Variants in GBE1 observed in about 807,000 individuals in gnomAD.
GBE1 encodes the protein 1,4-alpha-glucan-branching enzyme.
In GBE1, 70 loss-of-function variants were observed where a neutral mutation model predicts 88.8. The observed-to-expected ratio is 0.79, with a 90% CI of 0.65 to 0.96. GBE1 has a LOEUF of 0.96. Among genes scored for constraint, GBE1 ranks in the 40% least tolerant of loss-of-function variants. The probability of loss-of-function intolerance (pLI) is 0.00; values close to 1 mark genes in which losing one functional copy is unlikely to be tolerated. For missense variants in GBE1, 872 were observed against 871.0 expected (o/e 1.00, Z -0.01); for synonymous variants, 284 against 300.1 (o/e 0.95, Z 0.56).
intron 2 of GBE1, among the ~76,000 whole-genome samples, chr3:81,685,343 T>A (rs1269237841): frequency 6.6e-6 from 1 of 150,842 alleles, no homozygotes; most frequent in Non-Finnish European, 1.5e-5. Context: ...GTTGTTTTGT[T>A]TTTGTTTGTT....
At position 81,536,789 on chromosome 3, in the gene GBE1, A is replaced by G. The variant is rs1576138213; in HGVS notation, c.1803+122T>C. ...TTGACAACCTGAAGTATGGTACAGG[A>G]CACTAGACACTGAATAATAAATTGC... On this transcript the variant is annotated intron_variant, in intron 13 of 15. Coordinates refer to ENST00000429644, the MANE Select transcript of GBE1 (RefSeq NM_000158.4). The G allele has an allele frequency of 5.8e-6, 4 of 690,356 alleles. No individual in the cohort carries two copies. In the East Asian group the frequency reaches 1.2e-4, roughly 21 times the overall value. The allele number at this position is 690,356 out of a possible 1,614,324, so 42.8% of individuals were successfully genotyped here. A position where few individuals can be genotyped will look rare whatever the true frequency, so the allele number is the denominator to read the frequency against.
chr3:81,705,393 TA>T (rs1183058996), intron 2 of GBE1, 50 bp downstream of exon 2: 1 of 1,258,424 alleles, frequency 7.9e-7, no homozygotes, highest in African/African-American at 1.6e-5. Flanking sequence ...ATATATGTAT[TA>T]AATAGTTAAT....
intron 12 of GBE1, among the ~76,000 whole-genome samples, chr3:81,573,083 G>C (rs1703596468): frequency 6.6e-6 from 1 of 151,008 alleles, no homozygotes; most frequent in South Asian, 2.1e-4. Flanking sequence ...CTTAGCCAAT[G>C]ATTATTTAAA....
intron 1 of GBE1, among the ~76,000 whole-genome samples, chr3:81,730,589 G>A (rs1177109235): frequency 1.3e-5 from 2 of 152,114 alleles, no homozygotes; most frequent in Non-Finnish European, 2.9e-5. Flanking sequence ...CTGAAGCGTG[G>A]AAAGAAAAAA....
chr3:81,597,080 A>G (rs1703966145), intron 7 of GBE1, among the ~76,000 whole-genome samples: 1 of 151,928 alleles, frequency 6.6e-6, no homozygotes, highest in Non-Finnish European at 1.5e-5. Flanking sequence ...TCTAGTAGTA[A>G]ATGAACTGAA....
At chr3:81,523,358 G>A (rs952985077) in intron 14 of GBE1, among the ~76,000 whole-genome samples, 1 of 151,164 alleles carries the variant, frequency 6.6e-6, no homozygotes, top group Non-Finnish European at 1.5e-5. Flanking sequence ...ATTTAAAATT[G>A]TTATGGGTAT....
chr3:81,509,006 G>C (rs1178161044), intron 14 of GBE1, among the ~76,000 whole-genome samples: 1 of 152,070 alleles, frequency 6.6e-6, no homozygotes, highest in Non-Finnish European at 1.5e-5. Flanking sequence ...ACTGGGAAAA[G>C]TACTCAAATT....
chr3:81,643,859 A>G (rs773900843), intron 6 of GBE1, among the ~76,000 whole-genome samples: 1 of 152,130 alleles, frequency 6.6e-6, no homozygotes, highest in Non-Finnish European at 1.5e-5. Flanking sequence ...CCTACTTAAA[A>G]TCATACTTGT....
At chr3:81,599,145 T>C (rs1435034970) in intron 7 of GBE1, among the ~76,000 whole-genome samples, 1 of 152,192 alleles carries the variant, frequency 6.6e-6, no homozygotes. Flanking sequence ...GGCTAAATGA[T>C]TCCAATTAGA....
chr3:81,730,751 T>G (rs1278879678), intron 1 of GBE1, among the ~76,000 whole-genome samples: 1 of 152,178 alleles, frequency 6.6e-6, no homozygotes, highest in Non-Finnish European at 1.5e-5. Flanking sequence ...AATGAAACTC[T>G]TAAAGGTTAA....
intron 7 of GBE1, chr3:81,613,041 G>T: frequency 1.5e-6 from 1 of 650,528 alleles, no homozygotes; most frequent in Non-Finnish European, 2.3e-6. Flanking sequence ...AGATGATGAA[G>T]GGGAGGAAAG....
intron 1 of GBE1, among the ~76,000 whole-genome samples, chr3:81,758,078 T>C (rs1706627940): frequency 6.6e-6 from 1 of 152,180 alleles, no homozygotes; most frequent in Non-Finnish European, 1.5e-5. Flanking sequence ...TGAAGTTGTC[T>C]GTGAACTGGT....
rs1187869776 is a variant in GBE1, at chr3:81,750,675, G to GTATATA, written c.143+10694_143+10699dup. ...TATATATATGTATATATATATATAC[G>GTATATA]TATATATATATATATATATGTATTT... On this transcript the variant is annotated intron_variant, in intron 1 of 15. Coordinates refer to ENST00000429644, the MANE Select transcript of GBE1 (RefSeq NM_000158.4). Among the ~76,000 whole-genome samples the GTATATA allele has an allele frequency of 2.0e-4, 11 of 55,024 alleles. 1 individual carries two copies. Among genetic ancestry groups the GTATATA allele is most frequent in the African/African-American group, 8.8e-4 (7 of 7,990 alleles). The allele number at this position is 55,024 out of a possible 152,430, so 36.1% of individuals were successfully genotyped here.
chr3:81,619,688 T>C (rs1318930775), intron 7 of GBE1, among the ~76,000 whole-genome samples: 1 of 152,118 alleles, frequency 6.6e-6, no homozygotes, highest in African/African-American at 2.4e-5. Flanking sequence ...TACATAATTG[T>C]TTTAAAATTA....
At chr3:81,556,773 T>C (rs2106903532) in intron 12 of GBE1, among the ~76,000 whole-genome samples, 1 of 152,144 alleles carries the variant, frequency 6.6e-6, no homozygotes, top group East Asian at 1.9e-4. Flanking sequence ...ATTAGTCCAG[T>C]CTCCAGTTAA....
intron 7 of GBE1, among the ~76,000 whole-genome samples, chr3:81,633,119 T>C (rs928525778): frequency 1.3e-5 from 2 of 152,184 alleles, no homozygotes; most frequent in African/African-American, 4.8e-5. Context: ...GCACATGGTT[T>C]GGCTCATGAA....
intron 3 of GBE1, among the ~76,000 whole-genome samples, chr3:81,652,817 G>A (rs1362521644): frequency 7.2e-5 from 11 of 152,132 alleles, no homozygotes; most frequent in Admixed American, 7.2e-4. Context: ...AATGCAAAGA[G>A]TAAAGACTAT....
intron 2 of GBE1, among the ~76,000 whole-genome samples, chr3:81,697,414 C>T (rs910199823): frequency 1.3e-5 from 2 of 151,828 alleles, no homozygotes; most frequent in Admixed American, 1.3e-4. Context: ...ATTCTCCTGC[C>T]TCAACCTCCC....
At chr3:81,533,331 A>T (rs529927855) in intron 14 of GBE1, among the ~76,000 whole-genome samples, 1 of 151,274 alleles carries the variant, frequency 6.6e-6, no homozygotes, top group Admixed American at 6.6e-5. Flanking sequence ...TAGTGTAGAT[A>T]ACCCATCACA....
Sources: gnomAD v4.1 joint callset for allele counts (sites outside exome capture counted in the v4.1 genomes callset) on GRCh38, gnomAD v4.1.1 for gene constraint, MANE v1.5 for transcripts, NCBI Gene and HGNC (gene_info 2026-07-23, HGNC 2026-07-21) for gene names.